The following ZDHHC14 variants were observed in gnomAD, a reference collection of about 807,000 sequenced individuals.
ZDHHC14 encodes palmitoyltransferase ZDHHC14.
Under a neutral mutation model 47.7 loss-of-function variants are expected in ZDHHC14, and 16 were observed. The observed-to-expected ratio is 0.34, with a 90% confidence interval of 0.23 to 0.51. The LOEUF is 0.51. ZDHHC14 is among the 20% of genes least tolerant of loss of function. The pLI, the probability that ZDHHC14 is intolerant of heterozygous loss-of-function variation, is 0.97. For synonymous variants in ZDHHC14, 293 were observed against 278.9 expected (o/e 1.05, Z -0.50); for missense variants, 515 against 662.5 (o/e 0.78, Z 2.44).
chr6:157,516,556 A>G (rs1343669227), intron 1 of ZDHHC14, among the ~76,000 whole-genome samples: 1 of 152,224 alleles, frequency 6.6e-6, no homozygotes, highest in Non-Finnish European at 1.5e-5. Flanking sequence ...TATTCGTTGA[A>G]TGAATGTCTT....
chr6:157,564,144 T>TA (rs1284540232), intron 2 of ZDHHC14, among the ~76,000 whole-genome samples: 2 of 152,338 alleles, frequency 1.3e-5, no homozygotes, highest in Admixed American at 6.5e-5. Flanking sequence ...ACCAGATTTT[T>TA]AAAAAAATCC....
At chr6:157,489,755 C>T (rs538148381) in intron 1 of ZDHHC14, among the ~76,000 whole-genome samples, 1 of 152,204 alleles carries the variant, frequency 6.6e-6, no homozygotes, top group Non-Finnish European at 1.5e-5. Context: ...TCCCAGGATG[C>T]GGGGAAGCTA....
intron 2 of ZDHHC14, among the ~76,000 whole-genome samples, chr6:157,570,881 A>T (rs779687097): frequency 3.9e-5 from 6 of 152,106 alleles, no homozygotes; most frequent in Admixed American, 3.9e-4. Flanking sequence ...CAGCCCCTGA[A>T]AAAAGAGCTT....
intron 1 of ZDHHC14, among the ~76,000 whole-genome samples, chr6:157,487,185 G>A (rs1422177846): frequency 6.6e-6 from 1 of 152,208 alleles, no homozygotes; most frequent in Non-Finnish European, 1.5e-5. Context: ...TGGCCACCTT[G>A]CCGGGAGTGT....
At chr6:157,540,919 T>TAA (rs1485989744) in intron 1 of ZDHHC14, among the ~76,000 whole-genome samples, 2 of 146,058 alleles carry the variant, frequency 1.4e-5, no homozygotes, top group South Asian at 4.2e-4. Flanking sequence ...TGTATATATA[T>TAA]ATATATATAT....
chr6:157,551,636 C>T (rs1782238182), intron 2 of ZDHHC14, among the ~76,000 whole-genome samples: 2 of 152,204 alleles, frequency 1.3e-5, no homozygotes, highest in South Asian at 4.1e-4. Context: ...ATGTGAGAAG[C>T]ACAGCCCTGG....
At chr6:157,649,185 A>C (rs189942910) in intron 7 of ZDHHC14, among the ~76,000 whole-genome samples, 52 of 152,328 alleles carry the variant, frequency 3.4e-4, no homozygotes, top group South Asian at 1.0e-3. Flanking sequence ...AAACTGAAGG[A>C]CATTAAAATA....
At chr6:157,456,524 G>A (rs1393158161) in intron 1 of ZDHHC14, among the ~76,000 whole-genome samples, 3 of 152,148 alleles carry the variant, frequency 2.0e-5, no homozygotes, top group Non-Finnish European at 4.4e-5. Flanking sequence ...GGGACCTGAC[G>A]TGACATTATT....
intron 2 of ZDHHC14, among the ~76,000 whole-genome samples, chr6:157,551,725 C>T (rs1030848001): frequency 2.6e-5 from 4 of 152,166 alleles, no homozygotes; most frequent in Non-Finnish European, 2.9e-5. Flanking sequence ...CCAGGACTGT[C>T]GTATTTTCAG....
At chr6:157,622,216 CAAAA>C (rs35681787) in intron 3 of ZDHHC14, among the ~76,000 whole-genome samples, 3,805 of 93,864 alleles carry the variant, frequency 0.041, 131 homozygotes, top group African/African-American at 0.12. Context: ...ACTAAAAATA[CAAAA>C]AAAAAAAAAA....
intron 1 of ZDHHC14, among the ~76,000 whole-genome samples, chr6:157,480,937 G>A (rs1779613794): frequency 2.0e-5 from 3 of 152,156 alleles, no homozygotes; most frequent in African/African-American, 7.2e-5. Flanking sequence ...TTAAAAAAAT[G>A]TGTTTTGCAT....
chr6:157,580,177 C>G (rs1783462083), intron 2 of ZDHHC14, among the ~76,000 whole-genome samples: 1 of 152,038 alleles, frequency 6.6e-6, no homozygotes, highest in South Asian at 2.1e-4. Context: ...TTTTTTAGTT[C>G]TGTTTATGTG....
rs1321392550 is a variant in ZDHHC14 at position 157,515,466 on chromosome 6, T to C, written c.246-27119T>C. ...CTTTCTTTTTCTTTTTCTTTTTTTT[T>C]TTTTTTTTTTTTGGAGACGGAGTCT... On this transcript the variant is annotated intron_variant, in intron 1 of 8. Transcript: ENST00000359775. 2.4e-4 allele frequency among the ~76,000 whole-genome samples: 35 copies of C among 146,386 alleles called. 1 individual carries two copies. The highest frequency in any genetic ancestry group is 1.5e-3 in the Admixed American group (22 of 14,812).
chr6:157,636,966 G>A (rs1405521749), intron 5 of ZDHHC14, among the ~76,000 whole-genome samples: 3 of 152,192 alleles, frequency 2.0e-5, no homozygotes, highest in Non-Finnish European at 2.9e-5. Context: ...TGAAATATGT[G>A]CCTTGGAGAA....
chr6:157,552,405 G>A (rs1317047793), intron 2 of ZDHHC14, among the ~76,000 whole-genome samples: 1 of 152,036 alleles, frequency 6.6e-6, no homozygotes, highest in East Asian at 1.9e-4. Context: ...TGTGCTGGGC[G>A]TGAGGAGGAG....
intron 1 of ZDHHC14, among the ~76,000 whole-genome samples, chr6:157,540,910 GTATA>G (rs1554264587): frequency 1.1e-4 from 13 of 122,952 alleles, no homozygotes; most frequent in African/African-American, 2.2e-4. Flanking sequence ...GTGTGTGTGT[GTATA>G]TATATATATA....
chr6:157,407,908 A>G (rs924275926), intron 1 of ZDHHC14, among the ~76,000 whole-genome samples: 2 of 152,238 alleles, frequency 1.3e-5, no homozygotes, highest in Non-Finnish European at 2.9e-5. Context: ...TAAAATAAGC[A>G]GGAAGCAGGT....
rs1046869794 is a variant in ZDHHC14, at chr6:157,502,190, G to T, written c.246-40395G>T. Among the ~76,000 whole-genome samples the T allele has an allele frequency of 6.6e-6, 1 of 152,186 alleles. No homozygotes were observed. The highest frequency in any genetic ancestry group is 1.5e-5 in the Non-Finnish European group (1 of 68,030). ...AGTGGTCACATCTGGTGGAAAGGAG[G>T]CTGCAAAGTACAGGACAGCATAACA... On this transcript the variant is annotated intron_variant, in intron 1 of 8. Coordinates refer to ENST00000359775, the MANE Select transcript of ZDHHC14 (RefSeq NM_024630.3). This position sits in a 1 kb window ranked among gnomAD's most constrained non-coding sequence, Gnocchi z 4.0.
Position 157,592,699 on chromosome 6 carries a change from G to A in ZDHHC14, c.407-289G>A, listed in dbSNP as rs1047561092. 29 of 1,135,068 alleles carry A rather than the reference G, an allele frequency of 2.6e-5. No homozygotes were observed. The African/African-American group carries it at 4.2e-4, about 17-fold the overall frequency. 70.3% of individuals were successfully genotyped at this position (1,135,068 alleles called of 1,614,324 possible). A position where few individuals can be genotyped will look rare whatever the true frequency, so the allele number is the denominator to read the frequency against. On this transcript the variant is annotated intron_variant, in intron 2 of 8. Coordinates refer to ENST00000359775, the MANE Select transcript of ZDHHC14 (RefSeq NM_024630.3). ...CGCCTACAGGGAGGGGAGGGGGAAG[G>A]AGGAAAAGGGCGGGGCTCCACAGGG...
Sources: gnomAD v4.1 joint callset for allele counts (sites outside exome capture counted in the v4.1 genomes callset) on GRCh38, gnomAD v4.1.1 for gene constraint, Gnocchi (gnomAD v3.1) non-coding constraint, MANE v1.5 for transcripts, NCBI Gene and HGNC (gene_info 2026-07-23, HGNC 2026-07-21) for gene names.